The following LSAMP variants were observed in gnomAD, a reference collection of about 807,000 sequenced individuals.
The protein encoded by LSAMP is limbic system associated membrane protein.
LSAMP carries 7 observed loss-of-function variants against 38.6 expected under a neutral mutation model. The ratio of observed to expected loss-of-function variants is 0.18; its 90% CI spans 0.10 to 0.34. The LOEUF (loss-of-function observed/expected upper bound fraction) is 0.34, where lower values mean the gene tolerates loss of function less well. Ranked by LOEUF, LSAMP falls within the 10% of genes least tolerant of loss-of-function variation. The pLI is 1.00. For missense variants in LSAMP, 313 were observed against 420.0 expected (o/e 0.75, Z 2.23); for synonymous variants, 154 against 166.8 (o/e 0.92, Z 0.59).
intron 3 of LSAMP, among the ~76,000 whole-genome samples, chr3:115,944,407 A>G (rs1392486205): frequency 6.6e-6 from 1 of 152,154 alleles, no homozygotes; most frequent in Admixed American, 6.6e-5. Flanking sequence ...TGAAATCTTT[A>G]AAGGGGACTA....
intron 3 of LSAMP, among the ~76,000 whole-genome samples, chr3:115,951,656 A>T (rs879851149): frequency 6.6e-6 from 1 of 152,138 alleles, no homozygotes; most frequent in East Asian, 1.9e-4. Flanking sequence ...AGGAACGTGG[A>T]AAGACTAGAC....
intron 2 of LSAMP, among the ~76,000 whole-genome samples, chr3:116,047,794 T>G (rs1255561073): frequency 6.6e-6 from 1 of 152,262 alleles, no homozygotes; most frequent in Non-Finnish European, 1.5e-5. Context: ...ATATGTATCA[T>G]GTACAATGGA....
At chr3:116,319,301 G>T (rs1291460044) in intron 1 of LSAMP, among the ~76,000 whole-genome samples, 1 of 152,164 alleles carries the variant, frequency 6.6e-6, no homozygotes, top group Non-Finnish European at 1.5e-5. Context: ...TGAAAGCAGT[G>T]TTTTGTCAGC....
chr3:116,220,622 G>T lies in LSAMP; in HGVS notation c.156-134066C>A, dbSNP rs77800965. 2.1e-3 allele frequency among the ~76,000 whole-genome samples: 322 copies of T among 152,254 alleles called. 2 individuals are homozygous for T. Among genetic ancestry groups the T allele is most frequent in the South Asian group, 0.013 (62 of 4,830 alleles). On this transcript the variant is annotated intron_variant, in intron 1 of 6. Transcript: ENST00000490035. ...TTATTCCTTTCAGGTGTCAGGATTT[G>T]TTGTATGATGGAGCAATCATTACGG...
chr3:115,962,168 A>T (rs192241087), intron 3 of LSAMP, among the ~76,000 whole-genome samples: 193 of 152,298 alleles, frequency 1.3e-3, no homozygotes, highest in Non-Finnish European at 2.5e-3. Context: ...CTGCAATCAA[A>T]TGGCCATTCA....
chr3:115,986,092 TA>T (rs1939502277), intron 3 of LSAMP, among the ~76,000 whole-genome samples: 1 of 152,124 alleles, frequency 6.6e-6, no homozygotes, highest in Non-Finnish European at 1.5e-5. Flanking sequence ...TTTGAAGGGT[TA>T]AAAAAGCCAA....
At chr3:116,305,569 G>A (rs1197137006) in intron 1 of LSAMP, among the ~76,000 whole-genome samples, 2 of 151,696 alleles carry the variant, frequency 1.3e-5, no homozygotes, top group Admixed American at 6.6e-5. Flanking sequence ...CAGAAAGTAT[G>A]TGCCAGCTTG....
intron 6 of LSAMP, among the ~76,000 whole-genome samples, chr3:115,830,015 A>G (rs576576827): frequency 6.6e-6 from 1 of 152,330 alleles, no homozygotes; most frequent in African/African-American, 2.4e-5. Context: ...TCTTTTGTAT[A>G]TTATTTAAAA....
intron 1 of LSAMP, among the ~76,000 whole-genome samples, chr3:116,414,170 G>C (rs772819274): frequency 1.3e-5 from 2 of 151,946 alleles, no homozygotes; most frequent in African/African-American, 2.4e-5. Flanking sequence ...TATTTTTGGA[G>C]GGTAAATTTT....
chr3:116,003,198 T>C (rs936258731), intron 3 of LSAMP, among the ~76,000 whole-genome samples: 2 of 152,138 alleles, frequency 1.3e-5, no homozygotes, highest in Admixed American at 6.6e-5. Context: ...TTTACTGAGG[T>C]CCCACAGTTT....
intron 3 of LSAMP, among the ~76,000 whole-genome samples, chr3:115,942,808 A>G (rs1319886393): frequency 6.6e-6 from 1 of 152,168 alleles, no homozygotes; most frequent in African/African-American, 2.4e-5. Context: ...GAAGCTGGAT[A>G]AAAACCTATC....
At chr3:116,322,285 G>A (rs1039969718) in intron 1 of LSAMP, among the ~76,000 whole-genome samples, 1 of 152,026 alleles carries the variant, frequency 6.6e-6, no homozygotes, top group African/African-American at 2.4e-5. Context: ...ATTTTATGAT[G>A]GAATATAAAA....
chr3:116,199,530 G>C (rs774336708), intron 1 of LSAMP, among the ~76,000 whole-genome samples: 3 of 152,194 alleles, frequency 2.0e-5, no homozygotes, highest in Non-Finnish European at 4.4e-5. Context: ...TTAGCACAGA[G>C]TAGAAGTGTA....
intron 6 of LSAMP, among the ~76,000 whole-genome samples, chr3:115,827,980 G>T (rs765723375): frequency 6.6e-6 from 1 of 152,154 alleles, no homozygotes; most frequent in African/African-American, 2.4e-5. Flanking sequence ...AATATCATGA[G>T]GCTGCAATGA....
intron 3 of LSAMP, among the ~76,000 whole-genome samples, chr3:115,902,661 C>T (rs1936907330): frequency 6.6e-6 from 1 of 152,078 alleles, no homozygotes. Context: ...AACAAACATC[C>T]CCATTGAAAA....
chr3:115,992,549 CAG>C (rs1197241085), intron 3 of LSAMP, among the ~76,000 whole-genome samples: 1 of 151,954 alleles, frequency 6.6e-6, no homozygotes, highest in African/African-American at 2.4e-5. Context: ...TTTGAAACCA[CAG>C]AGTCAAATCT....
rs144508465 is a variant in LSAMP, at chr3:116,000,747, C to T, written c.514+18768G>A. 8.5e-4 allele frequency among the ~76,000 whole-genome samples: 129 copies of T among 152,094 alleles called. 3 individuals are homozygous for T. Among genetic ancestry groups the T allele is most frequent in the African/African-American group, 3.0e-3 (126 of 41,486 alleles). On this transcript the variant is annotated intron_variant, in intron 3 of 6. Transcript: ENST00000490035. ...TGTATCTGTATGACAGGTTCATAAC[C>T]CTGAAGTCGAGGACACCCCACATGC...
intron 1 of LSAMP, among the ~76,000 whole-genome samples, chr3:116,129,750 G>A (rs1043491158): frequency 2.6e-5 from 4 of 152,184 alleles, no homozygotes; most frequent in Non-Finnish European, 5.9e-5. Flanking sequence ...GTGCACATAG[G>A]AGCATATGCA....
intron 1 of LSAMP, among the ~76,000 whole-genome samples, chr3:116,247,892 A>G (rs762708500): frequency 7.2e-5 from 11 of 152,214 alleles, no homozygotes; most frequent in Non-Finnish European, 1.5e-4. Context: ...CTCCTCACCT[A>G]AATTATAGTG....
Sources: gnomAD v4.1 joint callset for allele counts (sites outside exome capture counted in the v4.1 genomes callset) on GRCh38, gnomAD v4.1.1 for gene constraint, MANE v1.5 for transcripts, NCBI Gene and HGNC (gene_info 2026-07-23, HGNC 2026-07-21) for gene names.